Variants in UBL3 observed in about 807,000 individuals in gnomAD.
The protein encoded by UBL3 is ubiquitin-like protein 3.
UBL3 carries 6 observed loss-of-function variants against 18.4 expected under a neutral mutation model. The observed-to-expected ratio is 0.33, with a 90% CI of 0.18 to 0.64. The LOEUF is 0.64. Ranked by LOEUF, UBL3 falls within the 30% of genes least tolerant of loss-of-function variation. The probability of loss-of-function intolerance (pLI) is 0.76; values close to 1 mark genes in which losing one functional copy is unlikely to be tolerated. For synonymous variants in UBL3, 49 were observed against 46.6 expected, an observed-to-expected ratio of 1.05 and a Z score of -0.21; for missense variants, 109 against 142.9, an observed-to-expected ratio of 0.76 and a Z score of 1.21.
rs200617867 is a variant in UBL3, at chr13:29,834,185, G to GA, written c.27+15326dup. On this transcript the variant is annotated intron_variant, in intron 1 of 4. Coordinates refer to ENST00000380680, the MANE Select transcript of UBL3 (RefSeq NM_007106.4). ...GTGACAGAGCAAGACTCTGTCTCAA[G>GA]AAAAAAAAAAAAAAAGGAGTAAGAA... Among the ~76,000 whole-genome samples the GA allele has an allele frequency of 2.8e-3, 205 of 73,574 alleles. 1 individual carries two copies. Among genetic ancestry groups the GA allele is most frequent in the East Asian group, 9.9e-3 (29 of 2,936 alleles). 48.3% of individuals were successfully genotyped at this position (73,574 alleles called of 152,430 possible).
At chr13:29,783,694 T>C (rs1279051532) in intron 1 of UBL3, among the ~76,000 whole-genome samples, 1 of 152,118 alleles carries the variant, frequency 6.6e-6, no homozygotes, top group Non-Finnish European at 1.5e-5. Flanking sequence ...TAAGTACTTA[T>C]TACTTAAATA....
rs1330739576 is a variant in UBL3, at chr13:29,829,096, C to T, written c.27+20416G>A. Among the ~76,000 whole-genome samples, 7 of 152,054 alleles carry T rather than the reference C, an allele frequency of 4.6e-5. No homozygotes were observed. In the South Asian group the frequency reaches 1.2e-3, roughly 27 times the overall value. On this transcript the variant is annotated intron_variant, in intron 1 of 4. Transcript: ENST00000380680. ...GTCAGTCTGCCCCTACTAGGGGGTG[C>T]CTCCCAGTAGGGTGCCTCCCAGTAG...
Position 29,843,990 on chromosome 13 carries a change from A to G in UBL3, c.27+5522T>C, listed in dbSNP as rs149543922. Among the ~76,000 whole-genome samples, 6 of 152,310 alleles carry G rather than the reference A, an allele frequency of 3.9e-5. No individual in the cohort carries two copies. In the East Asian group the frequency reaches 9.6e-4, roughly 24 times the overall value. On this transcript the variant is annotated intron_variant, in intron 1 of 4. Coordinates refer to ENST00000380680, the MANE Select transcript of UBL3 (RefSeq NM_007106.4). ...GTGTGATTAATCTTTGAGTTCTACA[A>G]CTCTTAAATGCTTTGACAGCAAACC...
At chr13:29,810,923 A>G (rs1438093902) in intron 1 of UBL3, among the ~76,000 whole-genome samples, 2 of 152,066 alleles carry the variant, frequency 1.3e-5, no homozygotes, top group South Asian at 4.1e-4. Flanking sequence ...GGGCCTTTAC[A>G]ATAAAGACCT....
intron 1 of UBL3, among the ~76,000 whole-genome samples, chr13:29,833,385 C>T (rs1434726922): frequency 6.6e-6 from 1 of 150,584 alleles, no homozygotes; most frequent in Non-Finnish European, 1.5e-5. Context: ...ACACTGGCAC[C>T]CAAAAATGTT....
rs190759961 is a variant in UBL3, at chr13:29,814,641, C to T, written c.27+34871G>A. ...TAAAGTTGAATAAGATGCCCATGTG[C>T]CATGCTGTCCCAGCACATAAGCTAA... On this transcript the variant is annotated intron_variant, in intron 1 of 4. Transcript: ENST00000380680. Among the ~76,000 whole-genome samples the T allele has an allele frequency of 2.4e-3, 363 of 152,174 alleles. 4 individuals carry two copies. Among genetic ancestry groups the T allele is most frequent in the African/African-American group, 8.3e-3 (344 of 41,522 alleles).
At chr13:29,845,958 C>T (rs1461146653) in intron 1 of UBL3, among the ~76,000 whole-genome samples, 1 of 152,024 alleles carries the variant, frequency 6.6e-6, no homozygotes, top group Non-Finnish European at 1.5e-5. Context: ...ATGTTGTATA[C>T]AATACTCTTA....
At chr13:29,788,355 A>G (rs1877379869) in intron 1 of UBL3, among the ~76,000 whole-genome samples, 1 of 152,176 alleles carries the variant, frequency 6.6e-6, no homozygotes, top group Non-Finnish European at 1.5e-5. Context: ...GCCTTTCACA[A>G]TATTCCTCAA....
chr13:29,848,761 A>G (rs1290484830), intron 1 of UBL3, among the ~76,000 whole-genome samples: 1 of 152,182 alleles, frequency 6.6e-6, no homozygotes, highest in Non-Finnish European at 1.5e-5. Context: ...CCCTTTATAA[A>G]CAAAACAAAG....
rs74044718 is a variant in UBL3 at position 29,799,542 on chromosome 13, C to T, written c.28-22279G>A. 2.4e-3 allele frequency among the ~76,000 whole-genome samples: 363 copies of T among 152,208 alleles called. 3 individuals carry two copies. The highest frequency in any genetic ancestry group is 8.6e-3 in the African/African-American group (358 of 41,522). On this transcript the variant is annotated intron_variant, in intron 1 of 4. Transcript: ENST00000380680. ...ATGATCACATATTATTTTCTTTGCT[C>T]CCATACACTAAGACTATAAAATTAT...
At chr13:29,792,864 T>G (rs748343692) in intron 1 of UBL3, among the ~76,000 whole-genome samples, 7 of 152,128 alleles carry the variant, frequency 4.6e-5, no homozygotes, top group Non-Finnish European at 7.4e-5. Context: ...GACAAATACA[T>G]CCCTGTCACT....
intron 1 of UBL3, among the ~76,000 whole-genome samples, chr13:29,800,820 G>C (rs982185655): frequency 2.0e-5 from 3 of 152,164 alleles, no homozygotes; most frequent in Admixed American, 6.5e-5. Flanking sequence ...CTCCCAGAGG[G>C]AGCAGACAGC....
intron 2 of UBL3, among the ~76,000 whole-genome samples, chr13:29,773,320 C>G (rs1876895274): frequency 6.6e-6 from 1 of 152,080 alleles, no homozygotes; most frequent in African/African-American, 2.4e-5. Context: ...CCGCTCCATG[C>G]CTTTAGTCTC....
intron 3 of UBL3, among the ~76,000 whole-genome samples, chr13:29,769,013 C>T (rs1392156470): frequency 6.6e-6 from 1 of 152,060 alleles, no homozygotes; most frequent in Admixed American, 6.6e-5. Context: ...CAGCAAGTTA[C>T]TTACCCTCTA....
chr13:29,816,051 T>C (rs1364657601), intron 1 of UBL3, among the ~76,000 whole-genome samples: 2 of 152,194 alleles, frequency 1.3e-5, no homozygotes, highest in Non-Finnish European at 2.9e-5. Flanking sequence ...CAGAATGCTA[T>C]GCTACGAATT....
At chr13:29,797,746 T>C (rs1286946282) in intron 1 of UBL3, among the ~76,000 whole-genome samples, 1 of 152,192 alleles carries the variant, frequency 6.6e-6, no homozygotes, top group Non-Finnish European at 1.5e-5. Context: ...AAGATTCAAT[T>C]AAGGAAAATG....
chr13:29,770,401 T>C (rs1210620562), intron 3 of UBL3, among the ~76,000 whole-genome samples: 1 of 152,104 alleles, frequency 6.6e-6, no homozygotes, highest in Non-Finnish European at 1.5e-5. Context: ...CATAAGTCAA[T>C]CTGTTCATTA....
intron 1 of UBL3, among the ~76,000 whole-genome samples, chr13:29,821,648 T>C (rs1878451297): frequency 6.6e-6 from 1 of 152,232 alleles, no homozygotes; most frequent in African/African-American, 2.4e-5. Context: ...ATTTATTCAT[T>C]ACATACGTAC....
chr13:29,826,948 T>C (rs1461058841), intron 1 of UBL3, among the ~76,000 whole-genome samples: 1 of 152,222 alleles, frequency 6.6e-6, no homozygotes, highest in Non-Finnish European at 1.5e-5. Context: ...ATGTACCCAG[T>C]AGTCATTCCG....
Sources: gnomAD v4.1 joint callset for allele counts (sites outside exome capture counted in the v4.1 genomes callset) on GRCh38, gnomAD v4.1.1 for gene constraint, MANE v1.5 for transcripts, NCBI Gene and HGNC (gene_info 2026-07-23, HGNC 2026-07-21) for gene names.